Variants in NDUFA10 observed in about 807,000 individuals in gnomAD.
The protein encoded by NDUFA10 is NADH:ubiquinone oxidoreductase subunit A10.
NDUFA10 carries 40 observed loss-of-function variants against 47.8 expected under a neutral mutation model. The ratio of observed to expected loss-of-function variants is 0.84; its 90% CI spans 0.65 to 1.09. The LOEUF (loss-of-function observed/expected upper bound fraction) is 1.09, where lower values mean the gene tolerates loss of function less well. NDUFA10 is among the 50% of genes least tolerant of loss of function. The probability of loss-of-function intolerance (pLI) is 0.00; values close to 1 mark genes in which losing one functional copy is unlikely to be tolerated. For missense variants in NDUFA10, 413 were observed against 451.1 expected (o/e 0.92, Z 0.76); for synonymous variants, 183 against 172.2 (o/e 1.06, Z -0.49).
intron 4 of NDUFA10, among the ~76,000 whole-genome samples, chr2:239,931,285 G>T (rs1694169220): frequency 6.6e-6 from 1 of 152,158 alleles, no homozygotes; most frequent in African/African-American, 2.4e-5. Context: ...GAGGTGCCCA[G>T]CACCCCTGGC....
intron 4 of NDUFA10, among the ~76,000 whole-genome samples, chr2:239,950,105 C>G (rs1402327210): frequency 6.6e-6 from 1 of 152,166 alleles, no homozygotes; most frequent in Non-Finnish European, 1.5e-5. Context: ...AGGGGGCACA[C>G]CTCAGAGTGG....
At chr2:239,931,831 C>CTTTTTTTTTTTTTT (rs35581568) in intron 4 of NDUFA10, among the ~76,000 whole-genome samples, 1 of 90,184 alleles carries the variant, frequency 1.1e-5, no homozygotes, top group East Asian at 3.6e-4. Context: ...TGCACCTCTG[C>CTTTTTTTTTTTTTT]TTTTTTTTTT....
chr2:239,948,251 C>T (rs558648575), intron 4 of NDUFA10, among the ~76,000 whole-genome samples: 23 of 152,348 alleles, frequency 1.5e-4, no homozygotes, highest in African/African-American at 5.5e-4. Flanking sequence ...ATTCCAGAGA[C>T]GAAGCCAGGC....
intron 4 of NDUFA10, among the ~76,000 whole-genome samples, chr2:239,908,189 T>C (rs1263326865): frequency 1.3e-5 from 2 of 151,814 alleles, no homozygotes; most frequent in South Asian, 2.1e-4. Context: ...TAGGTGGGAA[T>C]TGAACAATGA....
intron 4 of NDUFA10, among the ~76,000 whole-genome samples, chr2:239,925,366 T>G (rs781260663): frequency 1.3e-5 from 2 of 152,122 alleles, no homozygotes; most frequent in Non-Finnish European, 2.9e-5. Context: ...TAGAAACAGA[T>G]CCATACAAGT....
chr2:239,905,521 GC>G lies in NDUFA10; in HGVS notation c.295-10208del, dbSNP rs955859881. On this transcript the variant is annotated intron_variant, in intron 4 of 5. Coordinates refer to the NDUFA10 transcript ENST00000419408. ...CACGCGTGTGAGGCCAACAGCACCT[GC>G]TGTCGGTTCTGCACTGAGCAATGCT... 8.5e-5 allele frequency among the ~76,000 whole-genome samples: 13 copies of G among 152,244 alleles called. 1 individual carries two copies. The highest frequency in any genetic ancestry group is 2.9e-5 in the Non-Finnish European group (2 of 68,038).
intron 6 of NDUFA10, 63 bp from the exon 7 acceptor site, chr2:240,007,433 A>AT (rs1696988231): frequency 8.9e-7 from 1 of 1,118,012 alleles, no homozygotes; most frequent in African/African-American, 1.5e-5. Flanking sequence ...AAATGTACAA[A>AT]TGAATACATA....
intron 4 of NDUFA10, among the ~76,000 whole-genome samples, chr2:239,908,151 AAAACCAAACACTGCATGTTCTCACTC>A (rs1475027423): frequency 7.2e-5 from 11 of 152,206 alleles, no homozygotes; most frequent in African/African-American, 2.7e-4. Flanking sequence ...GCAAGGACAG[AAAACCAAACACTGCATGTTCTCACTC>A]ATAGGTGGGA....
intron 8 of NDUFA10, among the ~76,000 whole-genome samples, chr2:240,004,003 C>T (rs148100911): frequency 5.0e-4 from 76 of 152,330 alleles, no homozygotes; most frequent in Middle Eastern, 6.8e-3. Flanking sequence ...TGACTAGGTA[C>T]GTCCTCAAGA....
At chr2:239,972,314 C>T (rs182387173) in intron 9 of NDUFA10, among the ~76,000 whole-genome samples, 75 of 152,010 alleles carry the variant, frequency 4.9e-4, no homozygotes, top group African/African-American at 1.6e-3. Context: ...GCCTGTGTAC[C>T]GGGTGGGCTT....
Position 239,902,640 on chromosome 2 carries a change from C to G in NDUFA10, c.295-7326G>C, listed in dbSNP as rs533873686. ...TACACACTTGTACACTCTGTGTCCA[C>G]AGGACTGGGCTTGTGCTCTAAAATA... On this transcript the variant is annotated intron_variant, in intron 4 of 5. Transcript: ENST00000419408. Among the ~76,000 whole-genome samples, 4 of 152,358 alleles carry G rather than the reference C, an allele frequency of 2.6e-5. No homozygotes were observed. The South Asian group carries it at 8.3e-4, about 32-fold the overall frequency.
At chr2:240,006,521 C>A (rs1696954502) in intron 7 of NDUFA10, among the ~76,000 whole-genome samples, 1 of 152,200 alleles carries the variant, frequency 6.6e-6, no homozygotes, top group African/African-American at 2.4e-5. Flanking sequence ...GCACCACTCA[C>A]ACTTCAAGAC....
At chr2:239,911,360 G>A (rs1354219583) in intron 4 of NDUFA10, among the ~76,000 whole-genome samples, 2 of 152,184 alleles carry the variant, frequency 1.3e-5, no homozygotes, top group Non-Finnish European at 2.9e-5. Flanking sequence ...CCTCTGTGTA[G>A]AATGAGGAGC....
At chr2:239,921,163 C>G (rs186378034) in intron 4 of NDUFA10, among the ~76,000 whole-genome samples, 1 of 152,184 alleles carries the variant, frequency 6.6e-6, no homozygotes, top group Admixed American at 6.5e-5. Context: ...CTGCAGGAAC[C>G]GGGGCATGAG....
intron 8 of NDUFA10, among the ~76,000 whole-genome samples, chr2:239,997,709 T>C (rs1350345360): frequency 6.6e-6 from 1 of 152,208 alleles, no homozygotes; most frequent in Non-Finnish European, 1.5e-5. Flanking sequence ...AAACAGTAAA[T>C]TATGCAGATT....
rs993403744 is a variant in NDUFA10 at position 239,928,715 on chromosome 2, C to A, written c.295-33401G>T. On this transcript the variant is annotated intron_variant, in intron 4 of 5. Transcript: ENST00000419408. The surrounding 1 kb of genome is among the most constrained non-coding windows in gnomAD (Gnocchi z 4.3). The stretch of plus-strand genomic sequence containing the variant: ...GCACCCAGCCAACCACCGGACATCC[C>A]GCTCCAGGTCCCTCTGTGCAAGGAT... Among the ~76,000 whole-genome samples the A allele has an allele frequency of 6.6e-6, 1 of 152,208 alleles. No individual in the cohort carries two copies. Among genetic ancestry groups the A allele is most frequent in the Non-Finnish European group, 1.5e-5 (1 of 68,034 alleles).
At chr2:239,902,410 C>A (rs1343105800) in intron 4 of NDUFA10, among the ~76,000 whole-genome samples, 1 of 152,086 alleles carries the variant, frequency 6.6e-6, no homozygotes, top group Non-Finnish European at 1.5e-5. Flanking sequence ...CATTTTTTAG[C>A]AATGAAGTAT....
intron 9 of NDUFA10, among the ~76,000 whole-genome samples, chr2:239,976,768 T>C (rs1434914497): frequency 1.3e-5 from 2 of 152,134 alleles, no homozygotes; most frequent in Non-Finnish European, 2.9e-5. Flanking sequence ...GACTCCACCA[T>C]GCGGAGCCAG....
At chr2:239,940,043 C>T (rs998352534) in intron 4 of NDUFA10, among the ~76,000 whole-genome samples, 23 of 152,210 alleles carry the variant, frequency 1.5e-4, no homozygotes, top group African/African-American at 5.3e-4. Context: ...TGCTTCCCAC[C>T]GCCTCTGAGG....
Sources: allele counts gnomAD v4.1 joint callset (sites outside exome capture counted in the v4.1 genomes callset), GRCh38; gene constraint gnomAD v4.1.1; non-coding constraint Gnocchi (gnomAD v3.1); transcripts MANE v1.5; gene names NCBI Gene and HGNC (gene_info 2026-07-23, HGNC 2026-07-21).